Variants in ZNF44 observed in about 807,000 individuals in gnomAD.
ZNF44 encodes the protein gonadotropin inducible transcription repressor-2.
ZNF44 carries 9 observed loss-of-function variants against 11.7 expected under a neutral mutation model. That is an observed-to-expected ratio of 0.77 (90% CI 0.46 to 1.35). The LOEUF is 1.35. Ranked by LOEUF, ZNF44 falls within the 40% of genes most tolerant of loss-of-function variation. ZNF44 has a pLI of 0.00. For missense variants in ZNF44, 696 were observed against 743.1 expected (o/e 0.94, Z 0.74); for synonymous variants, 224 against 242.7 (o/e 0.92, Z 0.72).
chr19:12,259,217 G>T (rs1917396024), intron 5 of ZNF44, among the ~76,000 whole-genome samples: 1 of 152,064 alleles, frequency 6.6e-6, no homozygotes, highest in South Asian at 2.1e-4. Flanking sequence ...ATACAACCAA[G>T]AATGACTTAG....
At chr19:12,285,745 G>A (rs569335729) in intron 1 of ZNF44, among the ~76,000 whole-genome samples, 70 of 152,158 alleles carry the variant, frequency 4.6e-4, no homozygotes, top group Middle Eastern at 3.4e-3. Context: ...CTGGCCAGGC[G>A]CGGTGGCTCA....
intron 1 of ZNF44, among the ~76,000 whole-genome samples, chr19:12,286,242 A>G (rs1163129686): frequency 6.6e-6 from 1 of 152,114 alleles, no homozygotes; most frequent in African/African-American, 2.4e-5. Context: ...TACTAATTAT[A>G]TTTACATTTT....
intron 5 of ZNF44, among the ~76,000 whole-genome samples, chr19:12,254,683 C>T (rs183312634): frequency 8.6e-5 from 13 of 151,800 alleles, no homozygotes; most frequent in Admixed American, 1.3e-4. Context: ...TGCAGTGAGC[C>T]GCAATCGCAC....
intron 5 of ZNF44, among the ~76,000 whole-genome samples, chr19:12,258,684 G>A (rs2438577): frequency 0.39 from 59,514 of 151,908 alleles, 12,963 homozygotes; most frequent in African/African-American, 0.6. Context: ...ACAAGAATTA[G>A]ATGGGCGTGG....
chr19:12,237,923 T>C (rs1916456769), upstream of ZNF44: 3 of 152,436 alleles, frequency 2.0e-5, no homozygotes, highest in South Asian at 6.2e-4. Flanking sequence ...TTCTTCCTTC[T>C]GGACGGGGGT....
chr19:12,240,838 T>TA (rs1332222944), upstream of ZNF44, among the ~76,000 whole-genome samples: 1 of 152,150 alleles, frequency 6.6e-6, no homozygotes, highest in Admixed American at 6.5e-5. Flanking sequence ...ATAGAAGACT[T>TA]AGAAGAAGAT....
intron 3 of ZNF44, among the ~76,000 whole-genome samples, chr19:12,229,524 G>C (rs920029236): frequency 6.6e-6 from 1 of 152,066 alleles, no homozygotes; most frequent in African/African-American, 2.4e-5. Flanking sequence ...ACCTTTTCCA[G>C]GAAAACAAGA....
chr19:12,294,754 G>A lies in ZNF44; in HGVS notation c.-60C>T. On this transcript the variant is annotated 5_prime_UTR_variant, in exon 1 of 4. Transcript: ENST00000355684. ...TCCCGTAGTCAGGGTAGGTCCCAGC[G>A]CGACAAAAGCCACCACAGATGTCCC... The A allele has an allele frequency of 6.5e-7, 1 of 1,533,952 alleles. No homozygotes were observed. The highest frequency in any genetic ancestry group is 1.2e-5 in the South Asian group (1 of 82,372).
At chr19:12,254,297 G>A (rs1038256507) in intron 5 of ZNF44, among the ~76,000 whole-genome samples, 1 of 152,126 alleles carries the variant, frequency 6.6e-6, no homozygotes, top group Admixed American at 6.5e-5. Flanking sequence ...AATACTTGCA[G>A]ATTAAACCAC....
At chr19:12,229,727 C>A (rs1916077104) in intron 3 of ZNF44, among the ~76,000 whole-genome samples, 1 of 151,966 alleles carries the variant, frequency 6.6e-6, no homozygotes, top group Non-Finnish European at 1.5e-5. Context: ...CATTCTTCTG[C>A]CTCAGCCTCC....
chr19:12,231,642 T>A (rs559595782), intron 2 of ZNF44, among the ~76,000 whole-genome samples: 2 of 152,334 alleles, frequency 1.3e-5, no homozygotes, highest in Non-Finnish European at 2.9e-5. Flanking sequence ...ATGAAGATAC[T>A]GCCTGCACTG....
chr19:12,247,795 G>T (rs777178308), exon 8 of ZNF44: 4 of 1,301,936 alleles, frequency 3.1e-6, no homozygotes, highest in Non-Finnish European at 1.0e-6. Flanking sequence ...TCTCCAGTGT[G>T]AGTACTTTCA....
chr19:12,257,927 C>T lies in ZNF44; in HGVS notation c.1913-7559G>A, dbSNP rs565879703. Among the ~76,000 whole-genome samples, 8 of 151,610 alleles carry T rather than the reference C, an allele frequency of 5.3e-5. No homozygotes were observed. The South Asian group carries it at 6.2e-4, about 12-fold the overall frequency. Reference sequence around the variant, plus strand: ...TGGAGATTACAGTGAGCCAAGATTGCGCCACTGCACTCTAGCCTGGGCGAT... The same window carrying T: ...TGGAGATTACAGTGAGCCAAGATTGTGCCACTGCACTCTAGCCTGGGCGAT... On this transcript the variant is annotated intron_variant and NMD_transcript_variant, in intron 5 of 7. Transcript: ENST00000393337.
chr19:12,264,607 ATTAT>A (rs553042735), intron 5 of ZNF44, among the ~76,000 whole-genome samples: 14 of 152,232 alleles, frequency 9.2e-5, no homozygotes, highest in Non-Finnish European at 1.6e-4. Flanking sequence ...ATTATAAATG[ATTAT>A]TTAATCACTA....
chr19:12,260,492 T>A, intron 5 of ZNF44: 1 of 1,294,896 alleles, frequency 7.7e-7, no homozygotes. Flanking sequence ...GCCAGAAGCC[T>A]GTGATGGTGA....
intron 7 of ZNF44, chr19:12,248,792 C>T: frequency 1.6e-6 from 1 of 631,946 alleles, no homozygotes; most frequent in Non-Finnish European, 2.3e-6. Context: ...ATTTTTTTGT[C>T]CTGTCTAAAT....
At chr19:12,257,035 C>G (rs1917291137) in intron 5 of ZNF44, among the ~76,000 whole-genome samples, 1 of 152,142 alleles carries the variant, frequency 6.6e-6, no homozygotes, top group Non-Finnish European at 1.5e-5. Flanking sequence ...AATGCCATGC[C>G]TGTGCTCCTG....
chr19:12,271,187 A>ATC (rs1221038703), downstream of ZNF44, among the ~76,000 whole-genome samples: 3 of 152,212 alleles, frequency 2.0e-5, no homozygotes, highest in Non-Finnish European at 4.4e-5. Flanking sequence ...GTTAAAGATA[A>ATC]TCAACCTCAG....
chr19:12,255,377 A>T (rs73004246), intron 5 of ZNF44, among the ~76,000 whole-genome samples: 22,642 of 152,164 alleles, frequency 0.15, 1,956 homozygotes, highest in East Asian at 0.23. Context: ...AAAATTGATT[A>T]AAAAATCTAG....
Sources: gnomAD v4.1 joint callset for allele counts (sites outside exome capture counted in the v4.1 genomes callset) on GRCh38, gnomAD v4.1.1 for gene constraint, MANE v1.5 for transcripts, NCBI Gene and HGNC (gene_info 2026-07-23, HGNC 2026-07-21) for gene names.